The following CNBD1 variants were observed in gnomAD, a reference collection of about 807,000 sequenced individuals.
CNBD1 encodes cyclic nucleotide-binding domain-containing protein 1.
In CNBD1, 71 loss-of-function variants were observed where a neutral mutation model predicts 54.4. The observed-to-expected ratio is 1.30, with a 90% CI of 1.08 to 1.59. The LOEUF (loss-of-function observed/expected upper bound fraction) is 1.59, where lower values mean the gene tolerates loss of function less well. CNBD1 is among the 40% of genes most tolerant of loss of function. CNBD1 has a pLI of 0.00. For synonymous variants in CNBD1, 182 were observed against 170.7 expected, an observed-to-expected ratio of 1.07 and a Z score of -0.51; for missense variants, 659 against 518.0, an observed-to-expected ratio of 1.27 and a Z score of -2.64.
intron 4 of CNBD1, among the ~76,000 whole-genome samples, chr8:87,144,685 A>C (rs191857576): frequency 3.5e-4 from 53 of 152,052 alleles, no homozygotes; most frequent in Non-Finnish European, 5.2e-4. Flanking sequence ...GACAGGCATG[A>C]TGGCATGCAC....
intron 5 of CNBD1, among the ~76,000 whole-genome samples, chr8:87,221,528 G>T (rs994407367): frequency 6.6e-6 from 1 of 151,940 alleles, no homozygotes; most frequent in Non-Finnish European, 1.5e-5. Context: ...TACATTTCAA[G>T]ATCCATCATA....
chr8:86,935,323 G>A (rs1277674243), intron 3 of CNBD1, among the ~76,000 whole-genome samples: 2 of 152,008 alleles, frequency 1.3e-5, no homozygotes, highest in East Asian at 3.9e-4. Context: ...GGCATGAGCC[G>A]ACATGCCTGG....
intron 4 of CNBD1, among the ~76,000 whole-genome samples, chr8:87,035,011 G>C (rs1209178116): frequency 6.6e-6 from 1 of 151,748 alleles, no homozygotes; most frequent in Non-Finnish European, 1.5e-5. Context: ...GTTTACATTT[G>C]AACAACTTGA....
intron 4 of CNBD1, among the ~76,000 whole-genome samples, chr8:86,941,887 C>A (rs867398001): frequency 5.3e-5 from 8 of 152,154 alleles, no homozygotes; most frequent in Non-Finnish European, 1.0e-4. Flanking sequence ...TTTCCAGAAC[C>A]CACTTCCTCA....
At chr8:87,346,939 C>A (rs1420126510) in intron 8 of CNBD1, among the ~76,000 whole-genome samples, 2 of 152,080 alleles carry the variant, frequency 1.3e-5, no homozygotes, top group South Asian at 2.1e-4. Context: ...AGACTTGCTA[C>A]CTTTTTGTTT....
chr8:86,978,009 A>G (rs1050018526), intron 4 of CNBD1, among the ~76,000 whole-genome samples: 1 of 152,128 alleles, frequency 6.6e-6, no homozygotes, highest in Non-Finnish European at 1.5e-5. Flanking sequence ...ACTAAACTCA[A>G]CAGTACATTA....
At chr8:87,092,439 G>A (rs1192172501) in intron 4 of CNBD1, among the ~76,000 whole-genome samples, 3 of 146,510 alleles carry the variant, frequency 2.0e-5, no homozygotes, top group African/African-American at 7.6e-5. Context: ...GTATGTGTGT[G>A]TGTATATATA....
intron 2 of CNBD1, among the ~76,000 whole-genome samples, chr8:87,413,776 C>G (rs529789972): frequency 1.3e-5 from 2 of 151,398 alleles, no homozygotes; most frequent in African/African-American, 4.9e-5. Context: ...AAAAAATGCT[C>G]ATCATCACTG....
intron 8 of CNBD1, among the ~76,000 whole-genome samples, chr8:87,308,099 G>GA (rs1199915516): frequency 6.6e-6 from 1 of 152,020 alleles, no homozygotes; most frequent in African/African-American, 2.4e-5. Flanking sequence ...ATAGCCCTGT[G>GA]AAAAAGTCCC....
chr8:87,283,748 G>C (rs1808641266), intron 6 of CNBD1, among the ~76,000 whole-genome samples: 1 of 152,056 alleles, frequency 6.6e-6, no homozygotes. Context: ...CTTTAGGCAA[G>C]GAGGCACAAT....
At chr8:87,329,260 T>C (rs1231741101) in intron 8 of CNBD1, among the ~76,000 whole-genome samples, 1 of 152,150 alleles carries the variant, frequency 6.6e-6, no homozygotes, top group African/African-American at 2.4e-5. Context: ...TACATTGATC[T>C]ATTTATCTAT....
At chr8:86,896,521 T>C (rs1808850614) in intron 2 of CNBD1, among the ~76,000 whole-genome samples, 1 of 152,150 alleles carries the variant, frequency 6.6e-6, no homozygotes, top group Non-Finnish European at 1.5e-5. Flanking sequence ...TCTTTCACCT[T>C]CTTGGTTTAA....
At chr8:87,412,301 G>T (rs1445174585) in intron 2 of CNBD1, among the ~76,000 whole-genome samples, 1 of 151,976 alleles carries the variant, frequency 6.6e-6, no homozygotes, top group Non-Finnish European at 1.5e-5. Context: ...AAACTAAGAT[G>T]AAATGACATC....
chr8:87,075,610 C>G (rs1810853097), intron 4 of CNBD1, among the ~76,000 whole-genome samples: 1 of 151,964 alleles, frequency 6.6e-6, no homozygotes, highest in African/African-American at 2.4e-5. Context: ...TTTAGTGAGT[C>G]AGGGAAGTCA....
At chr8:87,003,766 A>G (rs1809039836) in intron 4 of CNBD1, among the ~76,000 whole-genome samples, 1 of 152,202 alleles carries the variant, frequency 6.6e-6, no homozygotes, top group East Asian at 1.9e-4. Flanking sequence ...CAGTCTGTGA[A>G]CTAGGGTCAC....
intron 8 of CNBD1, among the ~76,000 whole-genome samples, chr8:87,338,916 C>T (rs924096983): frequency 1.3e-5 from 2 of 152,122 alleles, no homozygotes; most frequent in South Asian, 4.1e-4. Context: ...ATCCTATACT[C>T]AGACCTCAGT....
intron 8 of CNBD1, among the ~76,000 whole-genome samples, chr8:87,309,863 A>T (rs780643509): frequency 6.6e-6 from 1 of 152,120 alleles, no homozygotes; most frequent in Non-Finnish European, 1.5e-5. Context: ...AATAAAATAA[A>T]AGGTGTCCAA....
At position 87,421,232 on chromosome 8, in the gene CNBD1, TA is replaced by T. The variant is rs571271792; in HGVS notation, c.214-7313del. 2.0e-4 allele frequency among the ~76,000 whole-genome samples: 31 copies of T among 152,078 alleles called. 1 individual carries two copies. The South Asian group carries it at 6.0e-3, about 30-fold the overall frequency. ...AGTATCTCATTTTCCTTTTCTTTTT[TA>T]TTTTTTTATTTATGTTCATTTTTTA... On this transcript the variant is annotated intron_variant, in intron 2 of 7. Coordinates refer to the CNBD1 transcript ENST00000521593.
In CNBD1 at chr8:87,157,874, G is replaced by C. The variant is rs184166235; in HGVS notation, c.432-48119G>C. Among the ~76,000 whole-genome samples, 5 of 152,202 alleles carry C rather than the reference G, an allele frequency of 3.3e-5. No individual in the cohort carries two copies. The East Asian group carries it at 9.7e-4, about 29-fold the overall frequency. On this transcript the variant is annotated intron_variant, in intron 4 of 10. Transcript: ENST00000518476. ...ATAAATAGCTGTGATTTCTCTCTCT[G>C]ATAAATCTTGCAATGTTAGAGTTTA...
Sources: allele counts gnomAD v4.1 joint callset (sites outside exome capture counted in the v4.1 genomes callset), GRCh38; gene constraint gnomAD v4.1.1; transcripts MANE v1.5; gene names NCBI Gene and HGNC (gene_info 2026-07-23, HGNC 2026-07-21).